The following ACTN2 variants were observed in gnomAD, a reference collection of about 807,000 sequenced individuals.
ACTN2 encodes the protein alpha-actinin-2.
In ACTN2, 39 loss-of-function variants were observed where a neutral mutation model predicts 113.8. The observed-to-expected ratio is 0.34, with a 90% confidence interval of 0.27 to 0.45. ACTN2 has a LOEUF of 0.45. Among genes scored for constraint, ACTN2 ranks in the 20% least tolerant of loss-of-function variants. The pLI, the probability that ACTN2 is intolerant of heterozygous loss-of-function variation, is 1.00. For synonymous variants in ACTN2, 429 were observed against 444.1 expected (o/e 0.97, Z 0.43); for missense variants, 992 against 1,177.9 (o/e 0.84, Z 2.31).
chr1:236,717,759 T>C, intron 1 of ACTN2, 99 bp from the exon 2 acceptor site: 1 of 828,692 alleles, frequency 1.2e-6, no homozygotes, highest in Non-Finnish European at 2.1e-6. Flanking sequence ...CCCAGCCTTG[T>C]AGATTCCCAA....
At chr1:236,694,768 A>C (rs966220953) in intron 1 of ACTN2, among the ~76,000 whole-genome samples, 2 of 152,076 alleles carry the variant, frequency 1.3e-5, no homozygotes, top group African/African-American at 4.8e-5. Context: ...TTTTATTGTA[A>C]GTCTGAGCTG....
chr1:236,746,664 C>T (rs998513632), intron 12 of ACTN2, among the ~76,000 whole-genome samples: 1 of 151,488 alleles, frequency 6.6e-6, no homozygotes, highest in Non-Finnish European at 1.5e-5. Context: ...TATGATCACC[C>T]CCACTGCACT....
In ACTN2 at chr1:236,759,744, T is replaced by C. The variant is rs1008374349; in HGVS notation, c.2322T>C (p.Asp774=). The change falls in exon 19 of 21, where the codon GAT becomes GAC. Residue 774 remains aspartate, a synonymous_variant. Coordinates refer to ENST00000366578, the MANE Select transcript of ACTN2 (RefSeq NM_001103.4). The stretch of plus-strand genomic sequence containing the variant: ...AACAGAGGAAGAATGGCCTGATGGA[T>C]CATGAGGATTTCAGAGCCTGCCTGA... ...HFDRRKNGLM[D]HEDFRACLIS... 2.5e-6 allele frequency: 4 copies of C among 1,614,078 alleles called. No homozygotes were observed. Among genetic ancestry groups the C allele is most frequent in the Admixed American group, 1.7e-5 (1 of 60,024 alleles).
At chr1:236,759,983 C>T (rs1483413748) in intron 19 of ACTN2, among the ~76,000 whole-genome samples, 194 bp downstream of exon 19, 2 of 152,184 alleles carry the variant, frequency 1.3e-5, no homozygotes, top group Non-Finnish European at 2.9e-5. Context: ...CAGTGGCTCA[C>T]GCCTGTAATC....
chr1:236,703,515 G>T (rs2102872887), intron 1 of ACTN2, among the ~76,000 whole-genome samples: 1 of 135,188 alleles, frequency 7.4e-6, no homozygotes, highest in African/African-American at 2.8e-5. Context: ...GATTTGGTTA[G>T]TTTAACATAT....
At chr1:236,709,220 G>GTATATATATATA (rs758619189) in intron 1 of ACTN2, among the ~76,000 whole-genome samples, 9 of 66,828 alleles carry the variant, frequency 1.3e-4, no homozygotes, top group South Asian at 1.1e-3. Flanking sequence ...ACAAATGACT[G>GTATATATATATA]TATATATATA....
Position 236,763,583 on chromosome 1 carries a change from C to T in ACTN2, c.*964C>T, listed in dbSNP as rs540078811. ...TTCCTTATGCCTCTAGTTTTATGAC[C>T]GGTTAAGGAGAAGCCAGAGTTAGAG... is the stretch of plus-strand genomic sequence containing the variant. On this transcript the variant is annotated 3_prime_UTR_variant, in exon 21 of 21. Transcript: ENST00000366578. The T allele has an allele frequency of 4.6e-5, 7 of 152,274 alleles. No individual in the cohort carries two copies. The highest frequency in any genetic ancestry group is 1.4e-4 in the African/African-American group (6 of 41,568). The allele number at this position is 152,274 out of a possible 1,614,324, so 9.4% of individuals were successfully genotyped here.
chr1:236,718,014 A>G (rs1447927864), intron 2 of ACTN2, 42 bp downstream of exon 2: 5 of 1,451,218 alleles, frequency 3.4e-6, no homozygotes, highest in Non-Finnish European at 4.8e-6. Flanking sequence ...ATGTGTTATC[A>G]GTAGGTGAGC....
intron 17 of ACTN2, 104 bp from the exon 18 acceptor site, chr1:236,757,382 G>A: frequency 1.4e-6 from 2 of 1,434,734 alleles, no homozygotes; most frequent in Admixed American, 1.7e-5. Flanking sequence ...CATGAGCCCT[G>A]CTTAGTAAGC....
rs117606041 is a variant in ACTN2 at position 236,700,722 on chromosome 1, C to T, written c.126+13923C>T. Among the ~76,000 whole-genome samples the T allele has an allele frequency of 5.3e-3, 813 of 152,232 alleles. 11 individuals are homozygous for T. Among genetic ancestry groups the T allele is most frequent in the East Asian group, 0.024 (122 of 5,186 alleles). On this transcript the variant is annotated intron_variant, in intron 1 of 20. Coordinates refer to ENST00000366578, the MANE Select transcript of ACTN2 (RefSeq NM_001103.4). ...GCTTCTGTATTTCCTCCACCACCCC[C>T]GGAATACAGCCAGAGGAAGGAGCAG...
At chr1:236,753,644 T>C (rs1455169128) in intron 15 of ACTN2, among the ~76,000 whole-genome samples, 1 of 152,198 alleles carries the variant, frequency 6.6e-6, no homozygotes, top group Non-Finnish European at 1.5e-5. Flanking sequence ...CTAGAGCCTC[T>C]GGCTGGAGGA....
At chr1:236,738,722 G>GT (rs1658968462) in intron 9 of ACTN2, among the ~76,000 whole-genome samples, 1 of 152,228 alleles carries the variant, frequency 6.6e-6, no homozygotes, top group Non-Finnish European at 1.5e-5. Flanking sequence ...AGAGGTGCAT[G>GT]TGTATTTTGT....
At chr1:236,704,300 C>T (rs1032026727) in intron 1 of ACTN2, among the ~76,000 whole-genome samples, 1 of 152,166 alleles carries the variant, frequency 6.6e-6, no homozygotes, top group African/African-American at 2.4e-5. Context: ...CAACAGTCAA[C>T]CCAGAAGACT....
chr1:236,689,336 T>TACAC (rs1166980052), intron 1 of ACTN2, among the ~76,000 whole-genome samples: 31 of 33,726 alleles, frequency 9.2e-4, no homozygotes, highest in African/African-American at 1.6e-3. Flanking sequence ...TATATATATA[T>TACAC]ATACACACAC....
At chr1:236,700,713 C>G (rs1320802280) in intron 1 of ACTN2, among the ~76,000 whole-genome samples, 1 of 152,130 alleles carries the variant, frequency 6.6e-6, no homozygotes, top group Non-Finnish European at 1.5e-5. Flanking sequence ...GTATTTCCTC[C>G]ACCACCCCCG....
At chr1:236,724,917 C>T (rs1658506710) in intron 4 of ACTN2, among the ~76,000 whole-genome samples, 1 of 130,796 alleles carries the variant, frequency 7.6e-6, no homozygotes, top group African/African-American at 2.9e-5. Flanking sequence ...TTAAGTGTTA[C>T]AAAATCACTG....
chr1:236,752,586 C>T (rs1008254417), intron 15 of ACTN2, among the ~76,000 whole-genome samples: 7 of 152,236 alleles, frequency 4.6e-5, no homozygotes, highest in Admixed American at 2.0e-4. Context: ...GAGTCTCACT[C>T]TGTTGCCCAG....
At chr1:236,734,208 G>A (rs916105714) in intron 7 of ACTN2, among the ~76,000 whole-genome samples, 27 of 152,200 alleles carry the variant, frequency 1.8e-4, no homozygotes, top group Non-Finnish European at 2.5e-4. Context: ...TAGCCTTGGC[G>A]TTCTCTTTGG....
intron 1 of ACTN2, among the ~76,000 whole-genome samples, chr1:236,704,827 G>T (rs765494280): frequency 2.4e-4 from 37 of 152,186 alleles, no homozygotes; most frequent in Non-Finnish European, 7.3e-5. Flanking sequence ...TTGAAGCTTG[G>T]AGAACCGTGG....
Sources: gnomAD v4.1 joint callset for allele counts (sites outside exome capture counted in the v4.1 genomes callset) on GRCh38, gnomAD v4.1.1 for gene constraint, MANE v1.5 for transcripts, NCBI Gene and HGNC (gene_info 2026-07-23, HGNC 2026-07-21) for gene names.